FAM171A2: variants seen among roughly 807,000 people sequenced by gnomAD.
FAM171A2 encodes the protein family with sequence similarity 171 member A2.
FAM171A2 carries 13 observed loss-of-function variants against 34.2 expected under a neutral mutation model. The observed-to-expected ratio is 0.38, with a 90% CI of 0.25 to 0.60. The LOEUF is 0.60. FAM171A2 is among the 20% of genes least tolerant of loss of function. The pLI is 0.62. For missense variants in FAM171A2, 950 were observed against 1,180.7 expected, an observed-to-expected ratio of 0.80 and a Z score of 2.86; for synonymous variants, 475 against 561.2, an observed-to-expected ratio of 0.85 and a Z score of 2.17.
intron 1 of FAM171A2, among the ~76,000 whole-genome samples, chr17:44,363,267 C>T (rs1355576739): frequency 2.0e-5 from 3 of 152,138 alleles, no homozygotes; most frequent in Non-Finnish European, 2.9e-5. Context: ...CGCCCCTGGG[C>T]GGGTGTCTTC....
At position 44,354,390 on chromosome 17, in the gene FAM171A2, G is replaced by C. The variant is rs1428292172; in HGVS notation, c.1824C>G (p.Arg608=). 1.6e-6 allele frequency: 2 copies of C among 1,272,942 alleles called. No homozygotes were observed. The highest frequency in any genetic ancestry group is 2.0e-6 in the Non-Finnish European group (2 of 997,086). 78.9% of individuals were successfully genotyped at this position (1,272,942 alleles called of 1,614,324 possible). ...TGACTGAGCCACTGACGGGCGCCGC[G>C]CGCCCGGCCCCCCAGCCCTCGCCGC... ...GGGGEGWGAG[R]AAPVSGSVTI... Residue 608 remains arginine, a synonymous_variant, in exon 8 of 8, where the codon CGC becomes CGG. Coordinates refer to ENST00000293443, the MANE Select transcript of FAM171A2 (RefSeq NM_198475.3). The surrounding 1 kb of genome is among the most constrained non-coding windows in gnomAD (Gnocchi z 5.8).
rs2048407239 is a variant in FAM171A2, at chr17:44,354,150, C to T, written c.2064G>A (p.Ser688=). 1.6e-6 allele frequency: 2 copies of T among 1,233,254 alleles called. No individual in the cohort carries two copies. Among genetic ancestry groups the T allele is most frequent in the East Asian group, 6.8e-5 (2 of 29,502 alleles). The allele number at this position is 1,233,254 out of a possible 1,614,324, so 76.4% of individuals were successfully genotyped here. Residue 688 remains serine, a synonymous_variant, in exon 8 of 8, where the codon TCG becomes TCA. Coordinates refer to ENST00000293443, the MANE Select transcript of FAM171A2 (RefSeq NM_198475.3). The surrounding 1 kb of genome is among the most constrained non-coding windows in gnomAD (Gnocchi z 5.8). ...GARSTDASLD[S]GVDVHEARPA... ...GCCGCGCCTCGTGGACATCTACGCC[C>T]GAGTCCAGGCTGGCGTCGGTGCTGC...
intron 3 of FAM171A2, among the ~76,000 whole-genome samples, chr17:44,358,676 A>G (rs2143379773): frequency 6.6e-6 from 1 of 151,492 alleles, no homozygotes; most frequent in African/African-American, 2.4e-5. Context: ...ACAGAGCAAT[A>G]CTCCATCTCA....
At chr17:44,359,556 G>A (rs1478057810) in intron 3 of FAM171A2, 23 bp downstream of exon 3, 1 of 1,542,888 alleles carries the variant, frequency 6.5e-7, no homozygotes. Flanking sequence ...AGAAGAGTTG[G>A]CGTGGGTGAG....
rs1238224475 is a variant in FAM171A2, at chr17:44,359,923, G to T, written c.328C>A (p.Arg110Ser). ...PGFLTNSVPW[R>S]VDKLPLYASV... ...CACTCACAGGGCAGCTTGTCAACAC[G>T]CCAGGGCACAGAGTTGGTGAGGAAG... The change falls in exon 2 of 8, where the codon CGT becomes AGT. Residue 110 changes from arginine (R) to serine (S), a missense_variant. Arg to Ser is a moderately radical substitution (Grantham distance 110, BLOSUM62 -1). This residue lies in a region of FAM171A2 where 752 missense variants were observed against 924.5 expected (regional missense o/e 0.81). Transcript: ENST00000293443. 6.5e-7 allele frequency: 1 copy of T among 1,544,088 alleles called. No homozygotes were observed. Among genetic ancestry groups the T allele is most frequent in the Admixed American group, 2.0e-5 (1 of 50,716 alleles).
rs2143356906 is a variant in FAM171A2, at chr17:44,353,650, G to GCGAGGGCCCC, written c.*73_*82dup. On this transcript the variant is annotated 3_prime_UTR_variant, in exon 8 of 8. Transcript: ENST00000293443. ...TCCGGCCTGGGGCTGGGAGCTACGC[G>GCGAGGGCCCC]CGAGGGCCCCCGCGGGCCCCCGGGG... 1 of 1,063,992 alleles carries GCGAGGGCCCC rather than the reference G, an allele frequency of 9.4e-7. No individual in the cohort carries two copies. The highest frequency in any genetic ancestry group is 1.7e-5 in the African/African-American group (1 of 59,690). The allele number at this position is 1,063,992 out of a possible 1,614,324, so 65.9% of individuals were successfully genotyped here. A position where few individuals can be genotyped will look rare whatever the true frequency, so the allele number is the denominator to read the frequency against.
In FAM171A2 at chr17:44,353,763, C is replaced by G; in HGVS notation, c.2451G>C (p.Glu817Asp). 6 of 1,432,910 alleles carry G rather than the reference C, an allele frequency of 4.2e-6. No homozygotes were observed. Among genetic ancestry groups the G allele is most frequent in the Non-Finnish European group, 4.6e-6 (5 of 1,093,554 alleles). The allele number at this position is 1,432,910 out of a possible 1,614,324, so 88.8% of individuals were successfully genotyped here. A position where few individuals can be genotyped will look rare whatever the true frequency, so the allele number is the denominator to read the frequency against. Residue 817 changes from glutamate to aspartate, a missense_variant, in exon 8 of 8, where the codon GAG becomes GAC. Transcript: ENST00000293443. ...DKKSPWQRRE[E>D]RPLMVFNVK ...TGACGTTGAACACCATCAGCGGCCG[C>G]TCCTCCCGCCGCTGCCACGGGCTCT...
At position 44,353,545 on chromosome 17, in the gene FAM171A2, C is replaced by CT. The variant is rs2048400585; in HGVS notation, c.*187dup. Reference sequence around the variant, plus strand: ...GGTCTGGACCCCCCCTCCTCCCCGGCTTGGAGGCAGACACAGGGTCCCTTG... The same window carrying CT: ...GGTCTGGACCCCCCCTCCTCCCCGGCTTTGGAGGCAGACACAGGGTCCCTTG... On this transcript the variant is annotated 3_prime_UTR_variant, in exon 8 of 8. Transcript: ENST00000293443. The CT allele has an allele frequency of 5.8e-6, 2 of 343,816 alleles. 1 individual carries two copies. The highest frequency in any genetic ancestry group is 2.7e-4 in the South Asian group (2 of 7,424). The allele number at this position is 343,816 out of a possible 1,614,324, so 21.3% of individuals were successfully genotyped here. A position where few individuals can be genotyped will look rare whatever the true frequency, so the allele number is the denominator to read the frequency against.
rs572032428 is a variant in FAM171A2, at chr17:44,356,678, A to G, written c.440-90T>C. On this transcript the variant is annotated intron_variant, in intron 3 of 7. Coordinates refer to ENST00000293443, the MANE Select transcript of FAM171A2 (RefSeq NM_198475.3). ...AACCCATTATCTAAGGAAAAGGGGG[A>G]CATGAGGTCAGGCCACTTTGGAAGG... 4.3e-6 allele frequency: 6 copies of G among 1,400,946 alleles called. No homozygotes were observed. The African/African-American group carries it at 7.2e-5, about 17-fold the overall frequency. 86.8% of individuals were successfully genotyped at this position (1,400,946 alleles called of 1,614,324 possible).
In FAM171A2 at chr17:44,354,445, G is replaced by A. The variant is rs994065319; in HGVS notation, c.1769C>T (p.Ser590Leu). Residue 590 changes from serine (S) to leucine (L), a missense_variant, in exon 8 of 8, where the codon TCG (serine) becomes TTG (leucine). Ser to Leu is a moderately radical substitution (Grantham distance 145). Coordinates refer to ENST00000293443, the MANE Select transcript of FAM171A2 (RefSeq NM_198475.3). The surrounding 1 kb of genome is among the most constrained non-coding windows in gnomAD (Gnocchi z 5.8). ...CCCGCCGCCCTCGCCCCCCGGGCCC[G>A]AGTGGCCCGGCATCTGCGGGCGCTG... ...DPQRPQMPGH[S>L]GPGGEGGGGG... 7 of 1,103,062 alleles carry A rather than the reference G, an allele frequency of 6.3e-6. No individual in the cohort carries two copies. The highest frequency in any genetic ancestry group is 7.8e-6 in the Non-Finnish European group (7 of 902,972). 68.3% of individuals were successfully genotyped at this position (1,103,062 alleles called of 1,614,324 possible).
chr17:44,356,116 C>T (rs1303330006), intron 5 of FAM171A2, 42 bp from the exon 6 acceptor site: 2 of 1,522,798 alleles, frequency 1.3e-6, no homozygotes, highest in African/African-American at 1.4e-5. Flanking sequence ...GTCGCTCCCA[C>T]TCAAGTCCCA....
In FAM171A2 at chr17:44,354,705, C is replaced by T. The variant is rs2048412293; in HGVS notation, c.1509G>A (p.Ser503=). 2 of 1,343,374 alleles carry T rather than the reference C, an allele frequency of 1.5e-6. No homozygotes were observed. The highest frequency in any genetic ancestry group is 1.9e-6 in the Non-Finnish European group (2 of 1,045,984). 83.2% of individuals were successfully genotyped at this position (1,343,374 alleles called of 1,614,324 possible). A position where few individuals can be genotyped will look rare whatever the true frequency, so the allele number is the denominator to read the frequency against. Residue 503 remains serine, a synonymous_variant, in exon 8 of 8, where the codon TCG becomes TCA. Transcript: ENST00000293443. The surrounding 1 kb of genome is among the most constrained non-coding windows in gnomAD (Gnocchi z 5.8). ...GKTPDFLLSQ[S]VDQLARPPSL... ...ACGGCGGCCGCGCCAGCTGGTCCAC[C>T]GACTGCGACAGCAGGAAGTCGGGGG...
Position 44,360,068 on chromosome 17 carries a change from C to T in FAM171A2, c.183G>A (p.Val61=). 1 of 1,551,768 alleles carries T rather than the reference C, an allele frequency of 6.4e-7. No homozygotes were observed. Among genetic ancestry groups the T allele is most frequent in the South Asian group, 1.2e-5 (1 of 84,062 alleles). ...GELVPLARAS[V]DVFGNRTLLA... Reference sequence around the variant, plus strand: ...GCAGAGTCCGGTTCCCAAACACATCCACTGAGGCCCGGGCCAGGGGCACCA... The same window carrying T: ...GCAGAGTCCGGTTCCCAAACACATCTACTGAGGCCCGGGCCAGGGGCACCA... The change falls in exon 2 of 8, where the codon GTG becomes GTA. Residue 61 remains valine (V), a synonymous_variant. Coordinates refer to ENST00000293443, the MANE Select transcript of FAM171A2 (RefSeq NM_198475.3).
chr17:44,362,506 G>T (rs1486530691), intron 1 of FAM171A2, among the ~76,000 whole-genome samples: 1 of 152,180 alleles, frequency 6.6e-6, no homozygotes, highest in Non-Finnish European at 1.5e-5. Flanking sequence ...TCCTTAGTGT[G>T]GGGGGTGAGG....
At chr17:44,361,826 T>C (rs573392741) in intron 1 of FAM171A2, among the ~76,000 whole-genome samples, 1 of 150,680 alleles carries the variant, frequency 6.6e-6, no homozygotes, top group African/African-American at 2.4e-5. Context: ...TGGGGGGAGG[T>C]AGAGCCTAGG....
Position 44,356,085 on chromosome 17 carries a change from C to A in FAM171A2, c.779-11G>T. 2.0e-6 allele frequency: 3 copies of A among 1,530,624 alleles called. No homozygotes were observed. The highest frequency in any genetic ancestry group is 1.4e-5 in the African/African-American group (1 of 72,646). 94.8% of individuals were successfully genotyped at this position (1,530,624 alleles called of 1,614,324 possible). A position where few individuals can be genotyped will look rare whatever the true frequency, so the allele number is the denominator to read the frequency against. On this transcript the variant is annotated splice_polypyrimidine_tract_variant and intron_variant, in intron 5 of 7. Transcript: ENST00000293443. ...TGCGCACCCACAGCCCTGGGAGAGG[C>A]AGGGGTTTTGTCACACTTGAGTCGC... is the stretch of plus-strand genomic sequence containing the variant.
intron 1 of FAM171A2, among the ~76,000 whole-genome samples, chr17:44,361,294 C>T (rs2048446871): frequency 1.3e-5 from 2 of 152,216 alleles, no homozygotes; most frequent in Non-Finnish European, 2.9e-5. Context: ...CACACTTCGC[C>T]CCTACCTTCC....
rs2143362821 is a variant in FAM171A2 at position 44,354,486 on chromosome 17, A to G, written c.1728T>C (p.Phe576=). The G allele has an allele frequency of 9.3e-7, 1 of 1,077,664 alleles. No homozygotes were observed. The highest frequency in any genetic ancestry group is 1.1e-6 in the Non-Finnish European group (1 of 890,158). The allele number at this position is 1,077,664 out of a possible 1,614,324, so 66.8% of individuals were successfully genotyped here. A position where few individuals can be genotyped will look rare whatever the true frequency, so the allele number is the denominator to read the frequency against. Residue 576 remains phenylalanine (F), a synonymous_variant, in exon 8 of 8, where the codon TTT becomes TTC. Coordinates refer to ENST00000293443, the MANE Select transcript of FAM171A2 (RefSeq NM_198475.3). This position sits in a 1 kb window ranked among gnomAD's most constrained non-coding sequence, Gnocchi z 5.8. ...EGTAPGPARA[F]PQPDPQRPQM... is the part of the protein sequence containing the mutation. ...GCGGGCGCTGGGGGTCGGGCTGGGG[A>G]AAAGCGCGCGCCGGGCCGGGTGCCG...
At position 44,363,721 on chromosome 17, in the gene FAM171A2, GCTAGGCCGGGCC is replaced by G; in HGVS notation, c.-19_-8del. 8.3e-7 allele frequency: 1 copy of G among 1,197,810 alleles called. No homozygotes were observed. The highest frequency in any genetic ancestry group is 1.0e-6 in the Non-Finnish European group (1 of 963,398). The allele number at this position is 1,197,810 out of a possible 1,614,324, so 74.2% of individuals were successfully genotyped here. On this transcript the variant is annotated 5_prime_UTR_variant, in exon 1 of 8. Transcript: ENST00000293443. ...GGCCACTCGCCGGCGGCATCGCGGG[GCTAGGCCGGGCC>G]CTAGCGGTCCATGGCTCCCGCCTGG...
Sources: gnomAD v4.1 joint callset for allele counts (sites outside exome capture counted in the v4.1 genomes callset) on GRCh38, gnomAD v4.1.1 for gene constraint, gnomAD v4.1.1 regional missense constraint, Gnocchi (gnomAD v3.1) non-coding constraint, MANE v1.5 for transcripts, NCBI Gene and HGNC (gene_info 2026-07-23, HGNC 2026-07-21) for gene names.